The following TAF1 variants were observed in gnomAD, a reference collection of about 807,000 sequenced individuals.
TAF1 encodes the protein transcription initiation factor TFIID subunit 1.
TAF1 carries 2 observed loss-of-function variants against 138.5 expected under a neutral mutation model. The observed-to-expected ratio is 0.01, with a 90% CI of 0.01 to 0.05. The LOEUF (loss-of-function observed/expected upper bound fraction) is 0.05. Among genes scored for constraint, TAF1 ranks in the 10% least tolerant of loss-of-function variants. The probability of loss-of-function intolerance (pLI) is 1.00; values close to 1 mark genes in which losing one functional copy is unlikely to be tolerated. For missense variants in TAF1, 709 were observed against 1,478.0 expected (o/e 0.48, Z 8.53); for synonymous variants, 437 against 503.2 (o/e 0.87, Z 1.76).
intron 26 of TAF1, 104 bp from the exon 27 acceptor site, chrX:71,407,470 A>T: frequency 2.8e-6 from 2 of 713,072 alleles, no homozygotes; most frequent in East Asian, 6.6e-5. Context: ...CACCCACCTC[A>T]GCCTCCCAAA....
intron 24 of TAF1, among the ~76,000 whole-genome samples, chrX:71,400,755 T>A (rs1602547309): frequency 8.9e-6 from 1 of 112,745 alleles, no homozygotes; most frequent in South Asian, 3.7e-4. Flanking sequence ...AAGCACTTTA[T>A]AAACTATAAA....
At chrX:71,448,843 A>C (rs767967063) in intron 32 of TAF1, among the ~76,000 whole-genome samples, 1 of 87,253 alleles carries the variant, frequency 1.1e-5, no homozygotes, top group East Asian at 3.5e-4. Flanking sequence ...TTTGAGACGG[A>C]GTTTCGCTCT....
At chrX:71,420,906 C>A (rs914380490) in intron 28 of TAF1, among the ~76,000 whole-genome samples, 1 of 112,677 alleles carries the variant, frequency 8.9e-6, no homozygotes, top group Non-Finnish European at 1.9e-5. Context: ...GCCTCCCCAC[C>A]GGCCCCAGGC....
At chrX:71,421,175 C>A in intron 28 of TAF1, 134 bp from the exon 29 acceptor site, 1 of 509,886 alleles carries the variant, frequency 2.0e-6, no homozygotes, top group Non-Finnish European at 3.4e-6. Flanking sequence ...TCTGGTGTAT[C>A]TGTCTAACCC....
downstream of TAF1, chrX:71,530,466 T>C (rs753354741): frequency 3.1e-5 from 3 of 95,612 alleles, no homozygotes; most frequent in Non-Finnish European, 6.0e-5. Flanking sequence ...CAAGATTCAT[T>C]GTGAAGACGG....
At chrX:71,488,239 C>CTTT (rs368273639) in intron 13 of TAF1, among the ~76,000 whole-genome samples, 285 of 71,254 alleles carry the variant, frequency 4.0e-3, no homozygotes, top group Non-Finnish European at 5.9e-3. Context: ...TAGGTGGTTT[C>CTTT]TTTTTTTTTT....
chrX:71,460,907 C>T (rs1277164234), intron 37 of TAF1, 104 bp downstream of exon 37: 2 of 1,081,978 alleles, frequency 1.8e-6, no homozygotes, highest in South Asian at 2.0e-5. Context: ...ATTTCCTGGG[C>T]ACCTACTAGG....
At chrX:71,401,439 G>A (rs2035171961) in intron 24 of TAF1, 89 bp from the exon 25 acceptor site, 4 of 1,082,142 alleles carry the variant, frequency 3.7e-6, no homozygotes, top group African/African-American at 1.8e-5. Context: ...TGCATATACT[G>A]AGGGATGACT....
chrX:71,391,243 G>A (rs1171965872), intron 18 of TAF1, among the ~76,000 whole-genome samples: 1 of 111,557 alleles, frequency 9.0e-6, no homozygotes, highest in East Asian at 2.8e-4. Flanking sequence ...TGTGTAGTTG[G>A]TATTCAATAA....
intron 13 of TAF1, among the ~76,000 whole-genome samples, chrX:71,509,889 G>C (rs753244914): frequency 4.5e-5 from 5 of 110,911 alleles, no homozygotes; most frequent in Non-Finnish European, 9.4e-5. Flanking sequence ...TGAGGCACGA[G>C]AATCTCTTGA....
chrX:71,502,748 G>A (rs2039533571), intron 13 of TAF1, among the ~76,000 whole-genome samples: 5 of 110,927 alleles, frequency 4.5e-5, no homozygotes, highest in Admixed American at 1.9e-4. Context: ...GACCAGCCTG[G>A]CCAATATGGC....
At chrX:71,397,160 A>G (rs2034902800) in intron 22 of TAF1, 93 bp from the exon 23 acceptor site, 4 of 904,264 alleles carry the variant, frequency 4.4e-6, no homozygotes, top group Middle Eastern at 2.7e-4. Flanking sequence ...GTTTTGTGGC[A>G]TGTTGAACTT....
rs776047539 is a variant in TAF1, at chrX:71,427,608, A to C, written c.4753+3370A>C. Among the ~76,000 whole-genome samples, 355 of 111,921 alleles carry C rather than the reference A, an allele frequency of 3.2e-3. 2 individuals carry two copies. Among genetic ancestry groups the C allele is most frequent in the Non-Finnish European group, 5.7e-3 (304 of 53,137 alleles). On this transcript the variant is annotated intron_variant, in intron 32 of 37. Transcript: ENST00000423759. ...AAAAGAGAAAAATTAAATAGCTAACAAACATGAATAAATATTCTGTTGCAC... is the reference window on the plus strand; with the variant it reads ...AAAAGAGAAAAATTAAATAGCTAACCAACATGAATAAATATTCTGTTGCAC...
chrX:71,484,249 T>G (rs190717349), intron 13 of TAF1, among the ~76,000 whole-genome samples: 146 of 111,956 alleles, frequency 1.3e-3, no homozygotes, highest in African/African-American at 4.6e-3. Context: ...TCTCCTGGAC[T>G]CTATTGAGTT....
At chrX:71,439,394 C>A (rs1301489810) in intron 32 of TAF1, among the ~76,000 whole-genome samples, 1 of 111,680 alleles carries the variant, frequency 9.0e-6, no homozygotes, top group Non-Finnish European at 1.9e-5. Flanking sequence ...AATGTCCCAG[C>A]CTTTACATTT....
At chrX:71,440,974 C>T (rs1427101507) in intron 32 of TAF1, among the ~76,000 whole-genome samples, 1 of 109,850 alleles carries the variant, frequency 9.1e-6, no homozygotes, top group Non-Finnish European at 1.9e-5. Flanking sequence ...TATCTTTGCT[C>T]ACTGCAACCT....
At chrX:71,379,131 G>GTTTT (rs1569278115) in intron 8 of TAF1, 100 bp downstream of exon 8, 1 of 722,271 alleles carries the variant, frequency 1.4e-6, no homozygotes, top group African/African-American at 3.6e-5. Context: ...TTTTTTTTCG[G>GTTTT]TGAGACAGAG....
At chrX:71,412,272 A>G (rs776350788) in intron 28 of TAF1, among the ~76,000 whole-genome samples, 21 of 109,479 alleles carry the variant, frequency 1.9e-4, no homozygotes, top group African/African-American at 7.0e-4. Flanking sequence ...CCACAGGCGC[A>G]TGCCACCATG....
At chrX:71,428,805 A>G (rs1240292014) in intron 32 of TAF1, among the ~76,000 whole-genome samples, 1 of 112,070 alleles carries the variant, frequency 8.9e-6, no homozygotes, top group African/African-American at 3.2e-5. Flanking sequence ...TGAGAAAAGC[A>G]GAGCACAAAG....
Sources: allele counts gnomAD v4.1 joint callset (sites outside exome capture counted in the v4.1 genomes callset), GRCh38; gene constraint gnomAD v4.1.1; transcripts MANE v1.5; gene names NCBI Gene and HGNC (gene_info 2026-07-23, HGNC 2026-07-21).